The following OSBPL10 variants were observed in gnomAD, a reference collection of about 807,000 sequenced individuals.
OSBPL10 encodes oxysterol-binding protein-related protein 10.
Under a neutral mutation model 81.7 loss-of-function variants are expected in OSBPL10, and 49 were observed. That is an observed-to-expected ratio of 0.60 (90% CI 0.48 to 0.76). The LOEUF (loss-of-function observed/expected upper bound fraction) is 0.76. Among genes scored for constraint, OSBPL10 ranks in the 30% least tolerant of loss-of-function variants. The probability of loss-of-function intolerance (pLI) is 0.00; values close to 1 mark genes in which losing one functional copy is unlikely to be tolerated. For missense variants in OSBPL10, 923 were observed against 987.8 expected (o/e 0.93, Z 0.88); for synonymous variants, 419 against 383.6 (o/e 1.09, Z -1.08).
intron 3 of OSBPL10, among the ~76,000 whole-genome samples, chr3:31,861,019 A>G (rs1701045251): frequency 2.0e-5 from 3 of 152,094 alleles, no homozygotes; most frequent in Admixed American, 2.0e-4. Context: ...AAAATACCTT[A>G]GTTCTTAAGT....
intron 7 of OSBPL10, among the ~76,000 whole-genome samples, chr3:31,690,753 T>C (rs1049240628): frequency 1.3e-5 from 2 of 152,214 alleles, no homozygotes; most frequent in African/African-American, 2.4e-5. Context: ...TACTATTTCC[T>C]CTTTCATCTT....
chr3:31,805,315 G>GAATGACTAAATTTA (rs1699493426), intron 4 of OSBPL10, among the ~76,000 whole-genome samples: 1 of 152,066 alleles, frequency 6.6e-6, no homozygotes, highest in Non-Finnish European at 1.5e-5. Context: ...CAGAAATGCT[G>GAATGACTAAATTTA]GTCTCAAAGA....
chr3:31,708,356 A>T (rs1696137957), intron 6 of OSBPL10, among the ~76,000 whole-genome samples: 1 of 152,172 alleles, frequency 6.6e-6, no homozygotes, highest in African/African-American at 2.4e-5. Context: ...ATTTAACCAA[A>T]TTATCACAAT....
At chr3:31,759,515 TCCAATA>T (rs543418232) in intron 4 of OSBPL10, among the ~76,000 whole-genome samples, 1 of 152,250 alleles carries the variant, frequency 6.6e-6, no homozygotes, top group Admixed American at 6.5e-5. Context: ...TCATAATATA[TCCAATA>T]CCAGAGAGAA....
chr3:31,833,189 C>A (rs751949813), intron 3 of OSBPL10, among the ~76,000 whole-genome samples: 7 of 152,094 alleles, frequency 4.6e-5, no homozygotes, highest in Non-Finnish European at 1.0e-4. Flanking sequence ...TGACTGTCAG[C>A]GAGGCTTATT....
chr3:31,668,256 A>C (rs1313440346), intron 10 of OSBPL10, among the ~76,000 whole-genome samples: 1 of 152,166 alleles, frequency 6.6e-6, no homozygotes, highest in East Asian at 1.9e-4. Flanking sequence ...CCCAGCATTT[A>C]ATTTTTTTAA....
chr3:31,661,105 G>A lies in OSBPL10; in HGVS notation c.*967C>T, dbSNP rs527881377. The A allele has an allele frequency of 5.7e-4, 87 of 152,714 alleles. 1 individual carries two copies. The highest frequency in any genetic ancestry group is 1.9e-3 in the African/African-American group (81 of 41,560). The allele number at this position is 152,714 out of a possible 1,614,324, so 9.5% of individuals were successfully genotyped here. ...GAAACCATGGAATATTTATGCAGGC[G>A]TTATGTATGTTTTAGTCACAGTGCT... On this transcript the variant is annotated 3_prime_UTR_variant, in exon 12 of 12. Transcript: ENST00000396556.
intron 4 of OSBPL10, among the ~76,000 whole-genome samples, chr3:31,789,528 A>G (rs916542250): frequency 1.1e-4 from 16 of 152,352 alleles, no homozygotes; most frequent in African/African-American, 3.8e-4. Flanking sequence ...GGTCCAGGAA[A>G]GGACTCAGAA....
In OSBPL10 at chr3:31,721,837, A is replaced by G. The variant is rs950758621; in HGVS notation, c.1095+11420T>C. ...TTGAGTGCCAGGCATTGAGCTGGACATTAGCGATATATGATCTCACATAAT... is the reference window on the plus strand; with the variant it reads ...TTGAGTGCCAGGCATTGAGCTGGACGTTAGCGATATATGATCTCACATAAT... On this transcript the variant is annotated intron_variant, in intron 6 of 11. Transcript: ENST00000396556. Among the ~76,000 whole-genome samples, 8 of 152,376 alleles carry G rather than the reference A, an allele frequency of 5.3e-5. 2 individuals carry two copies. The highest frequency in any genetic ancestry group is 2.0e-4 in the Admixed American group (3 of 15,308).
chr3:31,837,929 T>C (rs1219206453), intron 3 of OSBPL10, among the ~76,000 whole-genome samples: 1 of 152,120 alleles, frequency 6.6e-6, no homozygotes, highest in Non-Finnish European at 1.5e-5. Context: ...TGAGACAACT[T>C]AATGTTGTAA....
At chr3:31,720,858 G>A (rs1371971246) in intron 6 of OSBPL10, among the ~76,000 whole-genome samples, 1 of 141,608 alleles carries the variant, frequency 7.1e-6, no homozygotes, top group African/African-American at 2.8e-5. Flanking sequence ...CTCCAGCCTG[G>A]GCAACAGAGC....
intron 2 of OSBPL10, among the ~76,000 whole-genome samples, chr3:32,013,612 G>A (rs1485231085): frequency 3.3e-5 from 5 of 152,138 alleles, no homozygotes; most frequent in East Asian, 1.9e-4. Flanking sequence ...AACTGAAGGA[G>A]ATAGAGACAC....
chr3:31,686,099 GCA>G (rs76557332), intron 7 of OSBPL10, among the ~76,000 whole-genome samples: 14,696 of 152,196 alleles, frequency 0.097, 885 homozygotes, highest in South Asian at 0.16. Context: ...CATGATCTCT[GCA>G]CACACACCCG....
intron 3 of OSBPL10, among the ~76,000 whole-genome samples, chr3:31,847,314 G>A (rs4292269): frequency 0.74 from 112,171 of 151,626 alleles, 41,836 homozygotes; most frequent in South Asian, 0.89. Context: ...CTCGTGCCTC[G>A]GCCTCCTAAG....
intron 6 of OSBPL10, among the ~76,000 whole-genome samples, chr3:31,725,355 A>G (rs1047060848): frequency 6.6e-6 from 1 of 152,172 alleles, no homozygotes; most frequent in African/African-American, 2.4e-5. Flanking sequence ...GCTAGAAGGC[A>G]TATCTTCTAC....
chr3:31,695,535 C>T (rs1479164029), intron 7 of OSBPL10, among the ~76,000 whole-genome samples: 1 of 152,102 alleles, frequency 6.6e-6, no homozygotes, highest in East Asian at 1.9e-4. Context: ...TGATCTATGC[C>T]AAGCAACTCT....
intron 2 of OSBPL10, among the ~76,000 whole-genome samples, chr3:32,025,556 TGAAA>T (rs1264732258): frequency 2.0e-5 from 3 of 152,202 alleles, no homozygotes; most frequent in African/African-American, 7.2e-5. Context: ...CTCTATTTTC[TGAAA>T]GAACTTGTAA....
At chr3:31,969,787 G>T (rs1266113518) in intron 1 of OSBPL10, among the ~76,000 whole-genome samples, 1 of 151,960 alleles carries the variant, frequency 6.6e-6, no homozygotes, top group Non-Finnish European at 1.5e-5. Flanking sequence ...CCTGGGAGGC[G>T]GAGGTTGCAT....
At chr3:31,889,739 T>C (rs1695840484) in intron 1 of OSBPL10, among the ~76,000 whole-genome samples, 1 of 152,140 alleles carries the variant, frequency 6.6e-6, no homozygotes, top group African/African-American at 2.4e-5. Context: ...TAGCATTCTA[T>C]AGCACAATAC....
Sources: allele counts gnomAD v4.1 joint callset (sites outside exome capture counted in the v4.1 genomes callset), GRCh38; gene constraint gnomAD v4.1.1; transcripts MANE v1.5; gene names NCBI Gene and HGNC (gene_info 2026-07-23, HGNC 2026-07-21).